The following TTYH2 variants were observed in gnomAD, a reference collection of about 807,000 sequenced individuals.
The protein encoded by TTYH2 is protein tweety homolog 2.
A neutral mutation model predicts 68.3 loss-of-function variants in TTYH2; 49 were observed. The ratio of observed to expected loss-of-function variants is 0.72; its 90% confidence interval spans 0.57 to 0.91. The LOEUF is 0.91. TTYH2 is among the 40% of genes least tolerant of loss of function. The pLI is 0.00. For missense variants in TTYH2, 631 were observed against 700.4 expected, an observed-to-expected ratio of 0.90 and a Z score of 1.12; for synonymous variants, 272 against 300.8, an observed-to-expected ratio of 0.90 and a Z score of 0.99.
chr17:74,231,286 A>T (rs530098021), intron 3 of TTYH2, among the ~76,000 whole-genome samples: 4 of 152,360 alleles, frequency 2.6e-5, no homozygotes, highest in Middle Eastern at 3.4e-3. Flanking sequence ...GATTTGTCAA[A>T]GGAGACCTTG....
chr17:74,250,098 C>G, intron 9 of TTYH2, 70 bp downstream of exon 9: 1 of 1,565,678 alleles, frequency 6.4e-7, no homozygotes, highest in African/African-American at 1.4e-5. Flanking sequence ...GCCCCGGCCC[C>G]AGGGCCAGGC....
At chr17:74,238,286 A>C (rs1190513703) in intron 4 of TTYH2, among the ~76,000 whole-genome samples, 2 of 152,220 alleles carry the variant, frequency 1.3e-5, no homozygotes, top group African/African-American at 4.8e-5. Flanking sequence ...TAAGGGTGCT[A>C]AGAAGTTGCC....
Position 74,219,387 on chromosome 17 carries a change from CAAA to C in TTYH2, c.130-3084_130-3082del, listed in dbSNP as rs1031171600. Among the ~76,000 whole-genome samples, 147 of 88,426 alleles carry C rather than the reference CAAA, an allele frequency of 1.7e-3. 9 individuals carry two copies. Among genetic ancestry groups the C allele is most frequent in the African/African-American group, 6.6e-3 (112 of 16,944 alleles). 58.0% of individuals were successfully genotyped at this position (88,426 alleles called of 152,430 possible). The stretch of plus-strand genomic sequence containing the variant: ...CTGGCGACAGAGCAAGACTCCGTGT[CAAA>C]AAAAAAAAAAAAAGAATAACTTACA... On this transcript the variant is annotated intron_variant, in intron 1 of 13. Transcript: ENST00000269346.
chr17:74,225,768 C>T (rs112388054), intron 2 of TTYH2, among the ~76,000 whole-genome samples: 4 of 152,318 alleles, frequency 2.6e-5, no homozygotes, highest in Non-Finnish European at 4.4e-5. Flanking sequence ...GCACCTCCAT[C>T]GGCAGAAGCC....
intron 1 of TTYH2, among the ~76,000 whole-genome samples, chr17:74,218,222 TTCCTCCTCCC>T (rs1483622143): frequency 6.6e-6 from 1 of 152,098 alleles, no homozygotes; most frequent in East Asian, 1.9e-4. Context: ...TCCCTCCTCC[TTCCTCCTCCC>T]TTGCCCACCT....
At chr17:74,236,885 G>A (rs2050447979) in intron 3 of TTYH2, among the ~76,000 whole-genome samples, 1 of 149,254 alleles carries the variant, frequency 6.7e-6, no homozygotes, top group Admixed American at 6.6e-5. Flanking sequence ...GCCTAAGCAG[G>A]CCAGGCCAGC....
chr17:74,236,073 A>G (rs1360758662), intron 3 of TTYH2, among the ~76,000 whole-genome samples: 2 of 152,180 alleles, frequency 1.3e-5, no homozygotes, highest in Non-Finnish European at 2.9e-5. Context: ...TTGCATTGGC[A>G]GATGTTTCCT....
chr17:74,235,437 C>T (rs983516432), intron 3 of TTYH2, among the ~76,000 whole-genome samples: 7 of 152,250 alleles, frequency 4.6e-5, no homozygotes, highest in African/African-American at 1.4e-4. Context: ...GCCCTTTCTC[C>T]GCTCGCTGCC....
intron 1 of TTYH2, among the ~76,000 whole-genome samples, chr17:74,218,531 C>CA (rs549417385): frequency 0.11 from 13,596 of 128,416 alleles, 652 homozygotes; most frequent in Middle Eastern, 0.13. Flanking sequence ...AAAAGGAAAT[C>CA]AAAAAAAAAA....
At chr17:74,242,182 C>G (rs1435518184) in intron 4 of TTYH2, among the ~76,000 whole-genome samples, 1 of 152,114 alleles carries the variant, frequency 6.6e-6, no homozygotes. Flanking sequence ...ACTGCCTTTC[C>G]CCATCAGTCC....
At chr17:74,253,621 C>A in intron 12 of TTYH2, 134 bp from the exon 13 acceptor site, 1 of 824,634 alleles carries the variant, frequency 1.2e-6, no homozygotes, top group Non-Finnish European at 2.0e-6. Context: ...CCCACTGCAC[C>A]CCCTCCACTC....
chr17:74,253,111 T>A lies in TTYH2; in HGVS notation c.1290T>A (p.Asp430Glu). ...RNRDYDDIDD[D>E]DPFNPQAWRM... ...GAGACTACGATGACATTGATGATGATGACCCCTTTAACCCCCAAGCCTGGC... is the reference window on the plus strand; with the variant it reads ...GAGACTACGATGACATTGATGATGAAGACCCCTTTAACCCCCAAGCCTGGC... Residue 430 changes from aspartate (D) to glutamate (E), a missense_variant, in exon 12 of 14, where the codon GAT (aspartate) becomes GAA (glutamate). Coordinates refer to ENST00000269346, the MANE Select transcript of TTYH2 (RefSeq NM_032646.6). The A allele has an allele frequency of 6.2e-7, 1 of 1,613,824 alleles. No individual in the cohort carries two copies. The highest frequency in any genetic ancestry group is 8.5e-7 in the Non-Finnish European group (1 of 1,179,884).
chr17:74,257,925 A>ATG, intron 13 of TTYH2, among the ~76,000 whole-genome samples: 1 of 152,132 alleles, frequency 6.6e-6, no homozygotes, highest in South Asian at 2.1e-4. Flanking sequence ...AGGCCAAGGC[A>ATG]GGTGGATCAC....
intron 10 of TTYH2, 190 bp downstream of exon 10, chr17:74,250,547 T>G: frequency 1.7e-6 from 1 of 588,674 alleles, no homozygotes; most frequent in Non-Finnish European, 3.0e-6. Context: ...ACAGGGAGAC[T>G]CAGTACAAGG....
chr17:74,242,524 C>A (rs1428309666), intron 4 of TTYH2, among the ~76,000 whole-genome samples: 1 of 152,184 alleles, frequency 6.6e-6, no homozygotes, highest in Non-Finnish European at 1.5e-5. Context: ...TCCCGAGTAG[C>A]TGGGACTACA....
rs1261787401 is a variant in TTYH2 at position 74,222,871 on chromosome 17, C to G, written c.302+214C>G. ...CAGAAAGGTCTCCCAAGTGGCCCCC[C>G]ACAAACCCTGCCCCAATGTGGGTTT... On this transcript the variant is annotated intron_variant, in intron 2 of 13. Transcript: ENST00000269346. This position sits in a 1 kb window ranked among gnomAD's most constrained non-coding sequence, Gnocchi z 5.2. Among the ~76,000 whole-genome samples the G allele has an allele frequency of 6.6e-6, 1 of 151,956 alleles. No individual in the cohort carries two copies. The highest frequency in any genetic ancestry group is 1.5e-5 in the Non-Finnish European group (1 of 67,988).
chr17:74,239,033 G>A lies in TTYH2; in HGVS notation c.635+1519G>A, dbSNP rs973227645. ...GACCAGCCTCACTTATGTAGAACCTGAGTGATGGGGACTGAGGGGCACCAC... is the reference window on the plus strand; with the variant it reads ...GACCAGCCTCACTTATGTAGAACCTAAGTGATGGGGACTGAGGGGCACCAC... On this transcript the variant is annotated intron_variant, in intron 4 of 13. Coordinates refer to ENST00000269346, the MANE Select transcript of TTYH2 (RefSeq NM_032646.6). This position sits in a 1 kb window ranked among gnomAD's most constrained non-coding sequence, Gnocchi z 5.3. Among the ~76,000 whole-genome samples, 14 of 152,134 alleles carry A rather than the reference G, an allele frequency of 9.2e-5. No homozygotes were observed. Among genetic ancestry groups the A allele is most frequent in the Non-Finnish European group, 1.6e-4 (11 of 68,030 alleles).
chr17:74,233,473 C>G lies in TTYH2; in HGVS notation c.414+2474C>G, dbSNP rs565788076. ...GAGTGCTATTAATTACTGTAATCAC[C>G]TTGGGGTCAGCGGGAGGCTGGGATC... On this transcript the variant is annotated intron_variant, in intron 3 of 13. Coordinates refer to ENST00000269346, the MANE Select transcript of TTYH2 (RefSeq NM_032646.6). 8.5e-5 allele frequency among the ~76,000 whole-genome samples: 13 copies of G among 152,278 alleles called. No homozygotes were observed. The South Asian group carries it at 2.7e-3, about 32-fold the overall frequency.
At chr17:74,229,522 C>T (rs2050366006) in intron 2 of TTYH2, among the ~76,000 whole-genome samples, 1 of 152,092 alleles carries the variant, frequency 6.6e-6, no homozygotes, top group Admixed American at 6.6e-5. Context: ...CTCACCGCAG[C>T]CCCCAGGAAA....
Sources: gnomAD v4.1 joint callset for allele counts (sites outside exome capture counted in the v4.1 genomes callset) on GRCh38, gnomAD v4.1.1 for gene constraint, Gnocchi (gnomAD v3.1) non-coding constraint, MANE v1.5 for transcripts, NCBI Gene and HGNC (gene_info 2026-07-23, HGNC 2026-07-21) for gene names.